The following GNB1 variants were observed in gnomAD, a reference collection of about 807,000 sequenced individuals.
GNB1 encodes the protein guanine nucleotide-binding protein G(I)/G(S)/G(T) subunit beta-1.
In GNB1, 2 loss-of-function variants were observed where a neutral mutation model predicts 42.9. That is an observed-to-expected ratio of 0.05 (90% CI 0.02 to 0.15). The LOEUF (loss-of-function observed/expected upper bound fraction) is 0.15. Among genes scored for constraint, GNB1 ranks in the 10% least tolerant of loss-of-function variants. GNB1 has a pLI of 1.00. For synonymous variants in GNB1, 183 were observed against 174.7 expected, an observed-to-expected ratio of 1.05 and a Z score of -0.38; for missense variants, 193 against 462.2, an observed-to-expected ratio of 0.42 and a Z score of 5.34.
At chr1:1,837,515 A>C (rs1013144224) in intron 2 of GNB1, among the ~76,000 whole-genome samples, 2 of 149,574 alleles carry the variant, frequency 1.3e-5, no homozygotes, top group African/African-American at 2.5e-5. Flanking sequence ...TGGCCTCCCA[A>C]AGTGCTGGGA....
intron 1 of GNB1, among the ~76,000 whole-genome samples, chr1:1,872,092 C>T (rs1468795759): frequency 6.6e-6 from 1 of 151,714 alleles, no homozygotes; most frequent in African/African-American, 2.4e-5. Flanking sequence ...AACTCCAACT[C>T]CTGGGCTGAA....
At chr1:1,796,202 G>A (rs1325746142) in intron 7 of GNB1, among the ~76,000 whole-genome samples, 2 of 152,202 alleles carry the variant, frequency 1.3e-5, no homozygotes, top group East Asian at 3.8e-4. Context: ...TGTTCAGGTT[G>A]GGGGGTGAGG....
At chr1:1,818,201 T>A (rs1646882722) in intron 3 of GNB1, 1 of 219,976 alleles carries the variant, frequency 4.5e-6, no homozygotes, top group African/African-American at 2.2e-5. Context: ...GGGACCCTGG[T>A]GCTGCCTGTG....
At chr1:1,817,145 G>A (rs2100878923) in intron 4 of GNB1, among the ~76,000 whole-genome samples, 1 of 152,192 alleles carries the variant, frequency 6.6e-6, no homozygotes, top group South Asian at 2.1e-4. Context: ...AGTCCACTCT[G>A]TCTCAGTGAA....
intron 2 of GNB1, among the ~76,000 whole-genome samples, chr1:1,836,423 G>A (rs746161552): frequency 4.1e-5 from 5 of 123,032 alleles, no homozygotes; most frequent in Non-Finnish European, 6.4e-5. Flanking sequence ...ACAGGGTCTC[G>A]CTCTGTTGTC....
chr1:1,836,619 G>A (rs1342860547), intron 2 of GNB1, among the ~76,000 whole-genome samples: 1 of 151,514 alleles, frequency 6.6e-6, no homozygotes, highest in Non-Finnish European at 1.5e-5. Context: ...TGCACAACCT[G>A]GACTCACTGC....
chr1:1,801,803 G>C (rs1435922328), intron 7 of GNB1, among the ~76,000 whole-genome samples: 1 of 152,306 alleles, frequency 6.6e-6, no homozygotes, highest in African/African-American at 2.4e-5. Flanking sequence ...ATGTGCAAAA[G>C]CATATTCCAA....
chr1:1,888,873 C>T (rs1287900368), intron 1 of GNB1, among the ~76,000 whole-genome samples: 1 of 152,110 alleles, frequency 6.6e-6, no homozygotes, highest in Non-Finnish European at 1.5e-5. Context: ...TAGCATAAAC[C>T]AAGACAAAAC....
intron 1 of GNB1, among the ~76,000 whole-genome samples, chr1:1,885,311 G>A (rs556130997): frequency 6.6e-6 from 1 of 150,802 alleles, no homozygotes; most frequent in African/African-American, 2.4e-5. Context: ...TACTTGGGAG[G>A]CTGAGGCAGG....
intron 1 of GNB1, among the ~76,000 whole-genome samples, chr1:1,849,954 A>G (rs571423379): frequency 2.4e-4 from 37 of 152,018 alleles, no homozygotes; most frequent in East Asian, 9.7e-4. Flanking sequence ...AGTTTGCTAT[A>G]GTCTCACAAC....
chr1:1,864,562 T>G (rs1648819223), intron 1 of GNB1, among the ~76,000 whole-genome samples: 1 of 152,152 alleles, frequency 6.6e-6, no homozygotes, highest in African/African-American at 2.4e-5. Flanking sequence ...TAGCCAATTC[T>G]GTGCCATGAG....
chr1:1,884,224 C>A (rs779824082), intron 1 of GNB1, among the ~76,000 whole-genome samples: 1 of 151,890 alleles, frequency 6.6e-6, no homozygotes, highest in Non-Finnish European at 1.5e-5. Context: ...CTCAGCCTCC[C>A]GAGTAGCTGG....
chr1:1,883,517 C>T (rs757187948), intron 1 of GNB1, among the ~76,000 whole-genome samples: 45 of 152,146 alleles, frequency 3.0e-4, no homozygotes, highest in Admixed American at 5.2e-4. Flanking sequence ...TTTTACAAAG[C>T]AAGGCCATCA....
intron 1 of GNB1, among the ~76,000 whole-genome samples, chr1:1,879,560 C>T (rs1557950161): frequency 1.3e-5 from 2 of 151,908 alleles, no homozygotes; most frequent in East Asian, 1.9e-4. Context: ...CAAAAATTAG[C>T]CAGGCGTGGT....
At chr1:1,863,585 CA>C (rs1648747759) in intron 1 of GNB1, among the ~76,000 whole-genome samples, 1 of 152,306 alleles carries the variant, frequency 6.6e-6, no homozygotes, top group East Asian at 1.9e-4. Context: ...CCACCTTCTA[CA>C]TGCTGCTACT....
chr1:1,792,140 A>T (rs752689826), intron 8 of GNB1, among the ~76,000 whole-genome samples: 2 of 152,178 alleles, frequency 1.3e-5, no homozygotes, highest in Non-Finnish European at 2.9e-5. Context: ...TAGTACTTTG[A>T]TGCCACAAAT....
chr1:1,838,890 G>C (rs1647185975), intron 2 of GNB1, among the ~76,000 whole-genome samples: 1 of 152,124 alleles, frequency 6.6e-6, no homozygotes, highest in Non-Finnish European at 1.5e-5. Flanking sequence ...CTAAATGGAA[G>C]CTTTTTTTGA....
intron 2 of GNB1, among the ~76,000 whole-genome samples, chr1:1,832,660 A>T (rs1046058846): frequency 1.2e-4 from 19 of 152,226 alleles, no homozygotes; most frequent in Non-Finnish European, 5.9e-5. Context: ...GCAGCAGCCC[A>T]GGCCTCTCAT....
Position 1,790,290 on chromosome 1 carries a change from G to A in GNB1, c.699+105C>T. ...CCATCTGTACATGAGGTTGTATAAG[G>A]ATCAGAAAGGAGAACATCTAATCCA... On this transcript the variant is annotated intron_variant, in intron 9 of 11. Coordinates refer to ENST00000378609, the MANE Select transcript of GNB1 (RefSeq NM_002074.5). This position sits in a 1 kb window ranked among gnomAD's most constrained non-coding sequence, Gnocchi z 5.4. The A allele has an allele frequency of 1.3e-6, 1 of 763,730 alleles. No individual in the cohort carries two copies. Among genetic ancestry groups the A allele is most frequent in the African/African-American group, 1.7e-5 (1 of 58,384 alleles). 47.3% of individuals were successfully genotyped at this position (763,730 alleles called of 1,614,324 possible).
Sources: gnomAD v4.1 joint callset for allele counts (sites outside exome capture counted in the v4.1 genomes callset) on GRCh38, gnomAD v4.1.1 for gene constraint, Gnocchi (gnomAD v3.1) non-coding constraint, MANE v1.5 for transcripts, NCBI Gene and HGNC (gene_info 2026-07-23, HGNC 2026-07-21) for gene names.